DST: variants seen among roughly 807,000 people sequenced by gnomAD.
The protein encoded by DST is dystonin.
A neutral mutation model predicts 875.2 loss-of-function variants in DST; 253 were observed. The ratio of observed to expected loss-of-function variants is 0.29; its 90% CI spans 0.26 to 0.32. The LOEUF is 0.32. Among genes scored for constraint, DST ranks in the 10% least tolerant of loss-of-function variants. The pLI, the probability that DST is intolerant of heterozygous loss-of-function variation, is 1.00. For missense variants in DST, 8,287 were observed against 9,111.6 expected (o/e 0.91, Z 3.68); for synonymous variants, 3,124 against 3,197.1 (o/e 0.98, Z 0.77).
At chr6:56,647,083 C>T (rs1024451042) in intron 13 of DST, among the ~76,000 whole-genome samples, 15 of 152,216 alleles carry the variant, frequency 9.9e-5, no homozygotes, top group African/African-American at 3.4e-4. Flanking sequence ...TAAGAATCTA[C>T]ACTAACCAGA....
chr6:56,843,715 A>T, intron 4 of DST: 1 of 123,934 alleles, frequency 8.1e-6, no homozygotes, highest in Non-Finnish European at 1.1e-5. Flanking sequence ...AGGAGGGTGG[A>T]GGGTGGAGGG....
chr6:56,751,368 T>A (rs1272398732), intron 4 of DST, among the ~76,000 whole-genome samples: 3 of 152,204 alleles, frequency 2.0e-5, no homozygotes, highest in African/African-American at 7.2e-5. Flanking sequence ...ACATTAGTAA[T>A]TAAATGTAGG....
In DST at chr6:56,947,070, T is replaced by C. The variant is rs193259619; in HGVS notation, c.216+6715A>G. 2.1e-3 allele frequency among the ~76,000 whole-genome samples: 324 copies of C among 152,104 alleles called. 2 individuals carry two copies. Among genetic ancestry groups the C allele is most frequent in the Non-Finnish European group, 3.6e-3 (243 of 67,976 alleles). ...TGCTGATCCTTGGACCTCAAAAATA[T>C]GGTACCCATCAAAAACTCAGCCTCG... On this transcript the variant is annotated intron_variant, in intron 2 of 103. Transcript: ENST00000680361.
Position 56,530,149 on chromosome 6 carries a change from A to G in DST, c.17109-16T>C, listed in dbSNP as rs2096870074. ...CTGACGATTCCTACAAATGTGCCAAAAGGTCATTTAGGGATGAAGAATGTG... is the reference window on the plus strand; with the variant it reads ...CTGACGATTCCTACAAATGTGCCAAGAGGTCATTTAGGGATGAAGAATGTG... On this transcript the variant is annotated splice_polypyrimidine_tract_variant and intron_variant, in intron 64 of 103. Coordinates refer to ENST00000680361, the MANE Select transcript of DST (RefSeq NM_001374736.1). The G allele has an allele frequency of 6.4e-7, 1 of 1,559,996 alleles. No homozygotes were observed. Among genetic ancestry groups the G allele is most frequent in the African/African-American group, 1.4e-5 (1 of 72,560 alleles).
At chr6:56,603,067 C>G in intron 42 of DST, 36 bp from the exon 43 acceptor site, 1 of 1,548,024 alleles carries the variant, frequency 6.5e-7, no homozygotes, top group Non-Finnish European at 8.7e-7. Flanking sequence ...TTATCTTTCC[C>G]CAAAATGTCA....
intron 3 of DST, among the ~76,000 whole-genome samples, chr6:56,867,270 C>T (rs1340408640): frequency 1.3e-5 from 2 of 152,168 alleles, no homozygotes; most frequent in Non-Finnish European, 2.9e-5. Context: ...CTTAGGGTTG[C>T]TATATTAAAT....
intron 3 of DST, among the ~76,000 whole-genome samples, chr6:56,898,653 C>T (rs60547490): frequency 0.042 from 6,415 of 152,310 alleles, 404 homozygotes; most frequent in African/African-American, 0.14. Context: ...GTCTGATGTG[C>T]CAGCACCACC....
intron 3 of DST, among the ~76,000 whole-genome samples, chr6:56,858,484 C>T (rs570071834): frequency 4.6e-5 from 7 of 152,170 alleles, no homozygotes; most frequent in African/African-American, 1.4e-4. Flanking sequence ...TGTATGGTCT[C>T]TCTCACAGGT....
chr6:56,515,387 A>C (rs1483517293), intron 72 of DST, 63 bp downstream of exon 72: 9 of 1,558,094 alleles, frequency 5.8e-6, no homozygotes, highest in Non-Finnish European at 7.9e-6. Context: ...ACTAAAAACC[A>C]CCATAAAAAT....
intron 78 of DST, among the ~76,000 whole-genome samples, chr6:56,502,371 A>T (rs2096162121): frequency 6.6e-6 from 1 of 152,150 alleles, no homozygotes. Flanking sequence ...AAGTCCCTTA[A>T]CTTTGTTCAA....
chr6:56,900,999 G>A (rs566844045), intron 2 of DST, among the ~76,000 whole-genome samples: 8 of 151,938 alleles, frequency 5.3e-5, no homozygotes, highest in Middle Eastern at 3.4e-3. Flanking sequence ...AGCGGGACAG[G>A]ATATCATTCC....
chr6:56,495,810 T>C (rs1469572466), intron 82 of DST, among the ~76,000 whole-genome samples: 1 of 152,122 alleles, frequency 6.6e-6, no homozygotes, highest in East Asian at 1.9e-4. Flanking sequence ...ACCGAATTAG[T>C]AGGACTTACT....
At chr6:56,751,298 T>C (rs930091653) in intron 4 of DST, among the ~76,000 whole-genome samples, 2 of 152,034 alleles carry the variant, frequency 1.3e-5, no homozygotes, top group Admixed American at 6.5e-5. Context: ...ACGTCACCAA[T>C]AGGGAAAAAA....
chr6:56,502,162 G>A (rs2096152470), intron 78 of DST, among the ~76,000 whole-genome samples: 1 of 152,200 alleles, frequency 6.6e-6, no homozygotes, highest in Non-Finnish European at 1.5e-5. Context: ...TAGCTGTGCT[G>A]TGTTCATTAA....
At chr6:56,931,430 G>A (rs1485809076) in intron 2 of DST, among the ~76,000 whole-genome samples, 1 of 152,246 alleles carries the variant, frequency 6.6e-6, no homozygotes, top group Non-Finnish European at 1.5e-5. Flanking sequence ...GAAGAGAAAT[G>A]TGAGGTCAGA....
At chr6:56,468,884 A>G in intron 98 of DST, 98 bp downstream of exon 98, 1 of 939,680 alleles carries the variant, frequency 1.1e-6, no homozygotes, top group Non-Finnish European at 1.6e-6. Context: ...CTAGGGAGAC[A>G]GCATGGGAAA....
At chr6:56,694,183 G>A (rs2152863820) in intron 9 of DST, among the ~76,000 whole-genome samples, 1 of 147,838 alleles carries the variant, frequency 6.8e-6, no homozygotes, top group Non-Finnish European at 1.5e-5. Flanking sequence ...TATCTAAGGT[G>A]TGCATATTTC....
rs17830715 is a variant in DST, at chr6:56,534,294, G to C, written c.16941+828C>G. The stretch of plus-strand genomic sequence containing the variant: ...CTTCTTTTTAAAGTTCCAGAGGGGA[G>C]AAACCTTAACAGTACGCCATGCTCT... On this transcript the variant is annotated intron_variant, in intron 63 of 103. Transcript: ENST00000680361. 7.2e-3 allele frequency among the ~76,000 whole-genome samples: 1,102 copies of C among 152,212 alleles called. 59 individuals are homozygous for C. The East Asian group carries it at 0.14, about 19-fold the overall frequency.
chr6:56,569,952 T>C lies in DST; in HGVS notation c.13782A>G (p.Ser4594=), dbSNP rs746248026. ...QLDAFQVLVK[S]LKSWIKETTK... The stretch of plus-strand genomic sequence containing the variant: ...TTGTTTCTTTTATCCATGACTTCAA[T>C]GATTTAACAAGAACTTGGAAAGCAT... Residue 4594 remains serine (S), a synonymous_variant, in exon 54 of 104, where the codon TCA becomes TCG. Transcript: ENST00000680361. 23 of 1,609,428 alleles carry C rather than the reference T, an allele frequency of 1.4e-5. No homozygotes were observed. Among genetic ancestry groups the C allele is most frequent in the Non-Finnish European group, 2.0e-5 (23 of 1,178,468 alleles).
Sources: gnomAD v4.1 joint callset for allele counts (sites outside exome capture counted in the v4.1 genomes callset) on GRCh38, gnomAD v4.1.1 for gene constraint, MANE v1.5 for transcripts, NCBI Gene and HGNC (gene_info 2026-07-23, HGNC 2026-07-21) for gene names.